Variants in VOPP1 observed in about 807,000 individuals in gnomAD.
VOPP1 encodes the protein VOPP1 WW domain binding protein.
In VOPP1, 8 loss-of-function variants were observed where a neutral mutation model predicts 23.5. That is an observed-to-expected ratio of 0.34 (90% CI 0.20 to 0.61). The LOEUF (loss-of-function observed/expected upper bound fraction) is 0.61. Among genes scored for constraint, VOPP1 ranks in the 20% least tolerant of loss-of-function variants. The pLI, the probability that VOPP1 is intolerant of heterozygous loss-of-function variation, is 0.78. For synonymous variants in VOPP1, 83 were observed against 97.3 expected (o/e 0.85, Z 0.86); for missense variants, 174 against 238.1 (o/e 0.73, Z 1.77).
chr7:55,511,967 G>A (rs1329583396), intron 2 of VOPP1, among the ~76,000 whole-genome samples: 1 of 152,128 alleles, frequency 6.6e-6, no homozygotes, highest in East Asian at 1.9e-4. Flanking sequence ...TTACAGACAA[G>A]GAACTGAGAA....
intron 1 of VOPP1, among the ~76,000 whole-genome samples, chr7:55,558,620 C>A (rs1797885952): frequency 6.6e-6 from 1 of 152,132 alleles, no homozygotes; most frequent in South Asian, 2.1e-4. Context: ...GCCCAGGCAT[C>A]CCTGTCCAGA....
At chr7:55,489,877 G>C (rs1793436739) in intron 4 of VOPP1, among the ~76,000 whole-genome samples, 2 of 152,148 alleles carry the variant, frequency 1.3e-5, no homozygotes, top group South Asian at 4.1e-4. Flanking sequence ...TAAAGCCCCT[G>C]GCAGGGGACC....
At chr7:55,531,478 T>C (rs1271386059) in intron 1 of VOPP1, among the ~76,000 whole-genome samples, 2 of 151,960 alleles carry the variant, frequency 1.3e-5, no homozygotes, top group Non-Finnish European at 2.9e-5. Flanking sequence ...GCCTCCCAAG[T>C]AGCTGGGATT....
At chr7:55,560,539 G>A (rs963478415) in intron 1 of VOPP1, among the ~76,000 whole-genome samples, 1 of 152,182 alleles carries the variant, frequency 6.6e-6, no homozygotes, top group Non-Finnish European at 1.5e-5. Flanking sequence ...GGACAGGCCA[G>A]GAAATGAATC....
rs1483035997 is a variant in VOPP1 at position 55,572,138 on chromosome 7, G to A, written c.54+133C>T. 4.8e-6 allele frequency: 3 copies of A among 622,220 alleles called. No homozygotes were observed. The Admixed American group carries it at 1.2e-4, about 24-fold the overall frequency. The allele number at this position is 622,220 out of a possible 1,614,324, so 38.5% of individuals were successfully genotyped here. ...CCTCCCAGCTCCGGGAGGCGCGCAGGGCTGTGGCTCCCCGTCGCTCCACCG... is the reference window on the plus strand; with the variant it reads ...CCTCCCAGCTCCGGGAGGCGCGCAGAGCTGTGGCTCCCCGTCGCTCCACCG... On this transcript the variant is annotated intron_variant, in intron 1 of 4. Transcript: ENST00000285279.
At chr7:55,473,312 G>GT (rs1791981555) in intron 4 of VOPP1, among the ~76,000 whole-genome samples, 1 of 152,234 alleles carries the variant, frequency 6.6e-6, no homozygotes, top group Non-Finnish European at 1.5e-5. Context: ...CTGGGCCACA[G>GT]TAAGGTGAGG....
At chr7:55,449,434 C>T (rs1052997614) in intron 4 of VOPP1, among the ~76,000 whole-genome samples, 40 of 152,216 alleles carry the variant, frequency 2.6e-4, no homozygotes, top group African/African-American at 9.2e-4. Flanking sequence ...CGCTTCGGGG[C>T]CTGCCGGTGC....
At chr7:55,436,639 T>TGCGTGCGTGGGTGTGTGTGC (rs1562875079) in intron 4 of VOPP1, among the ~76,000 whole-genome samples, 3 of 139,088 alleles carry the variant, frequency 2.2e-5, no homozygotes, top group South Asian at 2.2e-4. Flanking sequence ...TGCGTGTGTG[T>TGCGTGCGTGGGTGTGTGTGC]GCGTGCGTGG....
At chr7:55,449,658 G>A (rs1366350879) in intron 4 of VOPP1, among the ~76,000 whole-genome samples, 7 of 152,218 alleles carry the variant, frequency 4.6e-5, no homozygotes, top group Non-Finnish European at 1.0e-4. Flanking sequence ...CCTGGAAGGA[G>A]CCAGCTGAGC....
chr7:55,501,130 C>G (rs1794336083), intron 2 of VOPP1, among the ~76,000 whole-genome samples: 1 of 152,242 alleles, frequency 6.6e-6, no homozygotes, highest in African/African-American at 2.4e-5. Flanking sequence ...CTTTGTTCAG[C>G]TTGGAACTGC....
At chr7:55,484,448 G>A (rs561401276) in intron 4 of VOPP1, among the ~76,000 whole-genome samples, 1 of 152,068 alleles carries the variant, frequency 6.6e-6, no homozygotes, top group East Asian at 1.9e-4. Context: ...GCTGGGGGGT[G>A]GGGGTGAGCA....
chr7:55,497,519 T>A, intron 3 of VOPP1, 94 bp downstream of exon 3: 1 of 1,149,944 alleles, frequency 8.7e-7, no homozygotes, highest in Non-Finnish European at 1.3e-6. Flanking sequence ...ACCACCCAAG[T>A]GAAGGTGTCG....
At position 55,475,414 on chromosome 7, in the gene VOPP1, G is replaced by A. The variant is rs552309173; in HGVS notation, c.329-2369C>T. On this transcript the variant is annotated intron_variant, in intron 4 of 4. Coordinates refer to ENST00000285279, the MANE Select transcript of VOPP1 (RefSeq NM_030796.5). Reference sequence around the variant, plus strand: ...TGGCCGGCAGCCTCCACTGCCGGGCGAAGCAGGTCCAGGTGATTCATTTGC... The same window carrying A: ...TGGCCGGCAGCCTCCACTGCCGGGCAAAGCAGGTCCAGGTGATTCATTTGC... Among the ~76,000 whole-genome samples the A allele has an allele frequency of 1.5e-4, 23 of 152,304 alleles. 1 individual carries two copies. The highest frequency in any genetic ancestry group is 7.7e-4 in the East Asian group (4 of 5,176).
At chr7:55,498,899 G>A (rs2129026099) in intron 2 of VOPP1, among the ~76,000 whole-genome samples, 1 of 152,252 alleles carries the variant, frequency 6.6e-6, no homozygotes, top group East Asian at 1.9e-4. Context: ...AAAGCTCCTG[G>A]AGGTGGTGCT....
intron 4 of VOPP1, among the ~76,000 whole-genome samples, chr7:55,440,178 A>G (rs1790929355): frequency 1.3e-5 from 2 of 152,150 alleles, no homozygotes; most frequent in African/African-American, 4.8e-5. Context: ...CTCATCAGCC[A>G]CCCTCGAGGG....
chr7:55,552,721 A>G, intron 1 of VOPP1: 2 of 1,535,514 alleles, frequency 1.3e-6, no homozygotes, highest in Non-Finnish European at 1.7e-6. Flanking sequence ...CGAAGGCAGG[A>G]GTCTGGTCGC....
At chr7:55,542,799 A>T (rs982462251) in intron 1 of VOPP1, among the ~76,000 whole-genome samples, 2 of 152,128 alleles carry the variant, frequency 1.3e-5, no homozygotes, top group Admixed American at 1.3e-4. Flanking sequence ...CCAAGAAAAA[A>T]AAAAAAATAC....
In VOPP1 at chr7:55,497,713, G is replaced by T. The variant is rs761883234; in HGVS notation, c.114-23C>A. 3 of 1,611,870 alleles carry T rather than the reference G, an allele frequency of 1.9e-6. No homozygotes were observed. In the Admixed American group the frequency reaches 5.0e-5, roughly 27 times the overall value. ...CATCTGTGGAGAGAGGCACAGGCTGGTCAGCACTGAATTGGAAGCAGCCAC... is the reference window on the plus strand; with the variant it reads ...CATCTGTGGAGAGAGGCACAGGCTGTTCAGCACTGAATTGGAAGCAGCCAC... On this transcript the variant is annotated intron_variant, in intron 2 of 4. Coordinates refer to ENST00000285279, the MANE Select transcript of VOPP1 (RefSeq NM_030796.5).
intron 4 of VOPP1, 129 bp downstream of exon 4, chr7:55,492,153 A>G: frequency 7.6e-7 from 1 of 1,320,974 alleles, no homozygotes; most frequent in Non-Finnish European, 1.0e-6. Flanking sequence ...TGGTCATCAG[A>G]ACTAAAAAAA....
Sources: gnomAD v4.1 joint callset for allele counts (sites outside exome capture counted in the v4.1 genomes callset) on GRCh38, gnomAD v4.1.1 for gene constraint, MANE v1.5 for transcripts, NCBI Gene and HGNC (gene_info 2026-07-23, HGNC 2026-07-21) for gene names.